CAMKMT: variants seen among roughly 807,000 people sequenced by gnomAD.
The protein encoded by CAMKMT is CaM KMT.
Under a neutral mutation model 48.0 loss-of-function variants are expected in CAMKMT, and 53 were observed. The observed-to-expected ratio is 1.10, with a 90% CI of 0.89 to 1.39. CAMKMT has a LOEUF of 1.39. Ranked by LOEUF, CAMKMT falls within the 40% of genes most tolerant of loss-of-function variation. CAMKMT has a pLI of 0.00. For synonymous variants in CAMKMT, 165 were observed against 152.3 expected, an observed-to-expected ratio of 1.08 and a Z score of -0.61; for missense variants, 428 against 402.7, an observed-to-expected ratio of 1.06 and a Z score of -0.54.
At chr2:44,483,476 C>T (rs950376773) in intron 3 of CAMKMT, among the ~76,000 whole-genome samples, 1 of 152,054 alleles carries the variant, frequency 6.6e-6, no homozygotes, top group Admixed American at 6.6e-5. Flanking sequence ...AATTGCTCTC[C>T]TCTGTTTAGA....
intron 3 of CAMKMT, among the ~76,000 whole-genome samples, chr2:44,543,056 CTT>C (rs1667217248): frequency 6.6e-6 from 1 of 152,102 alleles, no homozygotes; most frequent in South Asian, 2.1e-4. Flanking sequence ...TTACTAGTAT[CTT>C]TAACTAGGGG....
rs77287990 is a variant in CAMKMT, at chr2:44,653,391, A to G, written c.377-50892A>G. Among the ~76,000 whole-genome samples the G allele has an allele frequency of 6.0e-3, 916 of 152,288 alleles. 12 individuals are homozygous for G. Among genetic ancestry groups the G allele is most frequent in the African/African-American group, 0.021 (879 of 41,560 alleles). ...GAAGTGCCATTTGCTGTAAAAATCAACCAAAAGAGAATCGCAGACTTTTAG... is the reference window on the plus strand; with the variant it reads ...GAAGTGCCATTTGCTGTAAAAATCAGCCAAAAGAGAATCGCAGACTTTTAG... On this transcript the variant is annotated intron_variant, in intron 3 of 10. Coordinates refer to ENST00000378494, the MANE Select transcript of CAMKMT (RefSeq NM_024766.5). The surrounding 1 kb of genome is among the most constrained non-coding windows in gnomAD (Gnocchi z 5.2).
chr2:44,436,545 G>T (rs1314156250), intron 3 of CAMKMT, among the ~76,000 whole-genome samples: 1 of 151,768 alleles, frequency 6.6e-6, no homozygotes, highest in Non-Finnish European at 1.5e-5. Flanking sequence ...GACCACACAG[G>T]GTTTTTGTCA....
chr2:44,402,725 A>G (rs1218049254), intron 3 of CAMKMT, among the ~76,000 whole-genome samples: 1 of 90,924 alleles, frequency 1.1e-5, no homozygotes, highest in Admixed American at 9.7e-5. Context: ...TTATCTTTTC[A>G]TCTTTTGTTT....
At chr2:44,389,328 G>C (rs1016388899) in intron 2 of CAMKMT, among the ~76,000 whole-genome samples, 1 of 152,200 alleles carries the variant, frequency 6.6e-6, no homozygotes, top group South Asian at 2.1e-4. Context: ...GTCACCTTTC[G>C]AGGTACCAGG....
intron 3 of CAMKMT, among the ~76,000 whole-genome samples, chr2:44,698,783 A>G (rs184295549): frequency 2.4e-4 from 37 of 152,368 alleles, no homozygotes; most frequent in Admixed American, 8.5e-4. Flanking sequence ...TCGCTGTAGC[A>G]TGCGATGCTA....
At position 44,704,318 on chromosome 2, in the gene CAMKMT, T is replaced by C; in HGVS notation, c.412T>C (p.Cys138Arg). Reference protein sequence around the residue: ...WPSEEVLAYYCLKHNNIFRAL... With the variant: ...WPSEEVLAYYRLKHNNIFRAL... ...ATCTGAAGAGGTTTTGGCTTACTACTGCCTCAAGCACAATAATATATTCAG... is the reference window on the plus strand; with the variant it reads ...ATCTGAAGAGGTTTTGGCTTACTACCGCCTCAAGCACAATAATATATTCAG... Residue 138 changes from cysteine to arginine, a missense_variant, in exon 4 of 11, where the codon TGC (cysteine) becomes CGC (arginine). By Grantham distance (180) the Cys-to-Arg change is radical (BLOSUM62 -3). Coordinates refer to ENST00000378494, the MANE Select transcript of CAMKMT (RefSeq NM_024766.5). 1 of 1,610,548 alleles carries C rather than the reference T, an allele frequency of 6.2e-7. No homozygotes were observed. The highest frequency in any genetic ancestry group is 8.5e-7 in the Non-Finnish European group (1 of 1,178,052).
At chr2:44,391,516 A>G (rs1398562763) in intron 3 of CAMKMT, among the ~76,000 whole-genome samples, 1 of 152,116 alleles carries the variant, frequency 6.6e-6, no homozygotes, top group African/African-American at 2.4e-5. Flanking sequence ...CATACCAATG[A>G]TGGTTGAGGA....
At chr2:44,721,144 T>G (rs1379365692) in intron 7 of CAMKMT, among the ~76,000 whole-genome samples, 5 of 152,280 alleles carry the variant, frequency 3.3e-5, no homozygotes, top group African/African-American at 1.2e-4. Flanking sequence ...TTTTTCTCTC[T>G]TGTATAATTT....
chr2:44,477,396 T>A (rs920411289), intron 3 of CAMKMT, among the ~76,000 whole-genome samples: 1 of 152,220 alleles, frequency 6.6e-6, no homozygotes, highest in Non-Finnish European at 1.5e-5. Flanking sequence ...ATCAAATAAG[T>A]TTGCTAAGCC....
intron 3 of CAMKMT, among the ~76,000 whole-genome samples, chr2:44,475,524 G>A (rs1342935640): frequency 6.6e-6 from 1 of 152,036 alleles, no homozygotes; most frequent in African/African-American, 2.4e-5. Context: ...CACCATGTTG[G>A]CCAGGATGGT....
chr2:44,702,558 A>G (rs536514677), intron 3 of CAMKMT, among the ~76,000 whole-genome samples: 24 of 152,336 alleles, frequency 1.6e-4, no homozygotes, highest in Admixed American at 1.5e-3. Context: ...AGGCAGGTTA[A>G]GTAACCTGTC....
intron 3 of CAMKMT, among the ~76,000 whole-genome samples, chr2:44,436,046 T>G (rs890091615): frequency 3.5e-5 from 5 of 141,422 alleles, no homozygotes; most frequent in African/African-American, 5.4e-5. Context: ...TAGCATGTGC[T>G]TAATCTAGGA....
chr2:44,460,784 A>G (rs1263050220), intron 3 of CAMKMT, among the ~76,000 whole-genome samples: 1 of 140,574 alleles, frequency 7.1e-6, no homozygotes, highest in Non-Finnish European at 1.5e-5. Context: ...GTGCAGTGGC[A>G]TGATCTCCAC....
chr2:44,610,988 G>C (rs1671565300), intron 3 of CAMKMT, among the ~76,000 whole-genome samples: 1 of 152,184 alleles, frequency 6.6e-6, no homozygotes, highest in Non-Finnish European at 1.5e-5. Flanking sequence ...GCAGAATAAA[G>C]AGAAGTAGAT....
chr2:44,635,122 G>T (rs1321539744), intron 3 of CAMKMT, among the ~76,000 whole-genome samples: 1 of 152,190 alleles, frequency 6.6e-6, no homozygotes, highest in Non-Finnish European at 1.5e-5. Context: ...AAGGTGTTAA[G>T]TGTTGAGCAT....
At chr2:44,585,592 G>T (rs1185826390) in intron 3 of CAMKMT, among the ~76,000 whole-genome samples, 1 of 152,192 alleles carries the variant, frequency 6.6e-6, no homozygotes, top group Non-Finnish European at 1.5e-5. Context: ...AAACTCATAT[G>T]TTGGCAAAGG....
chr2:44,386,745 T>A (rs111331316), intron 2 of CAMKMT, among the ~76,000 whole-genome samples: 7,891 of 152,152 alleles, frequency 0.052, 683 homozygotes, highest in African/African-American at 0.18. Flanking sequence ...AAGAATTTTT[T>A]AATTTCCACC....
rs1344647234 is a variant in CAMKMT at position 44,462,249 on chromosome 2, C to T, written c.376+71944C>T. On this transcript the variant is annotated intron_variant, in intron 3 of 10. Coordinates refer to ENST00000378494, the MANE Select transcript of CAMKMT (RefSeq NM_024766.5). ...TAATAAAGTAAAAATAAAACATATT[C>T]TCATTACTCAAAATAATTTATGTTA... Among the ~76,000 whole-genome samples, 2 of 152,146 alleles carry T rather than the reference C, an allele frequency of 1.3e-5. 1 individual carries two copies. The highest frequency in any genetic ancestry group is 4.2e-4 in the South Asian group (2 of 4,808).
Sources: allele counts gnomAD v4.1 joint callset (sites outside exome capture counted in the v4.1 genomes callset), GRCh38; gene constraint gnomAD v4.1.1; non-coding constraint Gnocchi (gnomAD v3.1); transcripts MANE v1.5; gene names NCBI Gene and HGNC (gene_info 2026-07-23, HGNC 2026-07-21).